Variants in NALF1 observed in about 807,000 individuals in gnomAD.
NALF1 encodes NALCN channel auxiliary factor 1.
Under a neutral mutation model 48.4 loss-of-function variants are expected in NALF1, and 3 were observed. The ratio of observed to expected loss-of-function variants is 0.06; its 90% confidence interval spans 0.03 to 0.16. The LOEUF (loss-of-function observed/expected upper bound fraction) is 0.16, where lower values mean the gene tolerates loss of function less well. Among genes scored for constraint, NALF1 ranks in the 10% least tolerant of loss-of-function variants. The probability of loss-of-function intolerance (pLI) is 1.00; values close to 1 mark genes in which losing one functional copy is unlikely to be tolerated. For missense variants in NALF1, 526 were observed against 571.5 expected (o/e 0.92, Z 0.81); for synonymous variants, 262 against 245.7 (o/e 1.07, Z -0.62).
rs1310079541 is a variant in NALF1 at position 107,536,360 on chromosome 13, A to G, written c.916-325605T>C. On this transcript the variant is annotated intron_variant, in intron 1 of 2. Transcript: ENST00000375915. The stretch of plus-strand genomic sequence containing the variant: ...AAAGGGCTAATATCCAAAATCTACA[A>G]TGAACTCAAACAAATTTACAAGAAA... Among the ~76,000 whole-genome samples, 41 of 152,308 alleles carry G rather than the reference A, an allele frequency of 2.7e-4. No individual in the cohort carries two copies. The South Asian group carries it at 8.5e-3, about 32-fold the overall frequency.
intron 1 of NALF1, among the ~76,000 whole-genome samples, chr13:107,496,989 G>A (rs1875360634): frequency 6.6e-6 from 1 of 152,078 alleles, no homozygotes; most frequent in South Asian, 2.1e-4. Context: ...AACCATATCA[G>A]GAAACAAAGA....
chr13:107,429,671 C>G (rs536689725), intron 1 of NALF1, among the ~76,000 whole-genome samples: 2 of 152,316 alleles, frequency 1.3e-5, no homozygotes, highest in Admixed American at 1.3e-4. Flanking sequence ...CTTAAGACTA[C>G]ATACAGTGCT....
At chr13:107,191,707 G>A (rs1879284701) in intron 2 of NALF1, among the ~76,000 whole-genome samples, 1 of 149,150 alleles carries the variant, frequency 6.7e-6, no homozygotes, top group South Asian at 2.1e-4. Flanking sequence ...TCACTCTGTT[G>A]CCCAGGCTGG....
intron 1 of NALF1, among the ~76,000 whole-genome samples, chr13:107,594,600 T>C (rs760295929): frequency 6.6e-6 from 1 of 152,042 alleles, no homozygotes; most frequent in African/African-American, 2.4e-5. Context: ...CTCCACCCAA[T>C]AGTGTTTATG....
intron 1 of NALF1, among the ~76,000 whole-genome samples, chr13:107,831,580 T>C (rs1013176848): frequency 2.6e-5 from 4 of 151,826 alleles, no homozygotes; most frequent in South Asian, 2.1e-4. Flanking sequence ...TGTGATTCAA[T>C]AGAAAAAAGA....
chr13:107,500,157 A>C (rs556115674), intron 1 of NALF1, among the ~76,000 whole-genome samples: 101 of 152,312 alleles, frequency 6.6e-4, no homozygotes, highest in East Asian at 3.5e-3. Flanking sequence ...GATGCAAAAA[A>C]ACACTCCACT....
intron 1 of NALF1, among the ~76,000 whole-genome samples, chr13:107,423,561 A>G (rs1042260083): frequency 1.3e-5 from 2 of 152,190 alleles, no homozygotes; most frequent in Non-Finnish European, 2.9e-5. Context: ...AAAAGAGGAA[A>G]AAAAACTCGG....
At chr13:107,683,258 A>C (rs1032390524) in intron 1 of NALF1, among the ~76,000 whole-genome samples, 4 of 152,236 alleles carry the variant, frequency 2.6e-5, no homozygotes, top group Admixed American at 1.3e-4. Context: ...AAATATAAAT[A>C]CATAAATACC....
chr13:107,372,383 A>T (rs1033375160), intron 1 of NALF1, among the ~76,000 whole-genome samples: 2 of 152,248 alleles, frequency 1.3e-5, no homozygotes, highest in Admixed American at 1.3e-4. Context: ...CATGCCAGCC[A>T]TGAATATTGC....
chr13:107,863,861 A>C (rs2138652293), intron 1 of NALF1, among the ~76,000 whole-genome samples: 1 of 152,300 alleles, frequency 6.6e-6, no homozygotes, highest in African/African-American at 2.4e-5. Flanking sequence ...GCTCATTTGA[A>C]AATACGCTGC....
At chr13:107,657,572 G>A (rs533163621) in intron 1 of NALF1, among the ~76,000 whole-genome samples, 130 of 152,190 alleles carry the variant, frequency 8.5e-4, no homozygotes, top group African/African-American at 3.0e-3. Flanking sequence ...CACATGTATT[G>A]AGTATGACTT....
At chr13:107,259,523 G>A (rs866256290) in intron 1 of NALF1, among the ~76,000 whole-genome samples, 5 of 152,200 alleles carry the variant, frequency 3.3e-5, no homozygotes, top group Non-Finnish European at 7.3e-5. Context: ...GCTGGAGTGA[G>A]TGAGTGAATG....
intron 1 of NALF1, among the ~76,000 whole-genome samples, chr13:107,411,658 C>G (rs944136448): frequency 3.3e-5 from 5 of 152,112 alleles, no homozygotes; most frequent in Non-Finnish European, 7.3e-5. Flanking sequence ...CAAATAACTC[C>G]AAGTCTGACG....
intron 1 of NALF1, among the ~76,000 whole-genome samples, chr13:107,544,926 C>T (rs1287391168): frequency 6.6e-6 from 1 of 152,142 alleles, no homozygotes; most frequent in African/African-American, 2.4e-5. Context: ...AGAAGACAGG[C>T]TCATGACTGT....
intron 2 of NALF1, among the ~76,000 whole-genome samples, chr13:107,198,957 C>T (rs954558109): frequency 7.9e-5 from 12 of 152,286 alleles, no homozygotes; most frequent in Admixed American, 3.3e-4. Context: ...ACTCCCAGTA[C>T]GCTAACATGT....
chr13:107,231,091 A>AAAAAC (rs1880214126), intron 1 of NALF1, among the ~76,000 whole-genome samples: 2 of 151,412 alleles, frequency 1.3e-5, no homozygotes, highest in African/African-American at 2.4e-5. Context: ...GAAGAAAAGA[A>AAAAAC]AAAACAAAAA....
At chr13:107,288,703 T>G (rs1003906166) in intron 1 of NALF1, among the ~76,000 whole-genome samples, 5 of 151,328 alleles carry the variant, frequency 3.3e-5, no homozygotes, top group African/African-American at 1.2e-4. Context: ...GGCTAATTTT[T>G]TCTAGTTTTA....
At chr13:107,244,970 T>A (rs1880550888) in intron 1 of NALF1, among the ~76,000 whole-genome samples, 1 of 152,222 alleles carries the variant, frequency 6.6e-6, no homozygotes, top group Non-Finnish European at 1.5e-5. Flanking sequence ...CCATTCATAC[T>A]TTATAATGTA....
chr13:107,633,690 C>A (rs1879891043), intron 1 of NALF1, among the ~76,000 whole-genome samples: 2 of 143,996 alleles, frequency 1.4e-5, no homozygotes, highest in South Asian at 2.2e-4. Flanking sequence ...ATACATTTGT[C>A]CAATATTTTA....
Sources: allele counts gnomAD v4.1 joint callset (sites outside exome capture counted in the v4.1 genomes callset), GRCh38; gene constraint gnomAD v4.1.1; transcripts MANE v1.5; gene names NCBI Gene and HGNC (gene_info 2026-07-23, HGNC 2026-07-21).